PDGFD: variants seen among roughly 807,000 people sequenced by gnomAD.
PDGFD encodes platelet-derived growth factor D.
A neutral mutation model predicts 44.7 loss-of-function variants in PDGFD; 30 were observed. The ratio of observed to expected loss-of-function variants is 0.67; its 90% CI spans 0.50 to 0.91. The LOEUF (loss-of-function observed/expected upper bound fraction) is 0.91, where lower values mean the gene tolerates loss of function less well. Ranked by LOEUF, PDGFD falls within the 40% of genes least tolerant of loss-of-function variation. The pLI is 0.00. For missense variants in PDGFD, 445 were observed against 457.8 expected (o/e 0.97, Z 0.25); for synonymous variants, 173 against 168.4 (o/e 1.03, Z -0.21).
intron 5 of PDGFD, among the ~76,000 whole-genome samples, chr11:103,932,188 T>G (rs1452512539): frequency 2.6e-5 from 4 of 152,266 alleles, no homozygotes; most frequent in South Asian, 2.1e-4. Context: ...AACATGAGTT[T>G]TTTTTTTTTT....
At chr11:104,020,595 G>A (rs1451533142) in intron 1 of PDGFD, among the ~76,000 whole-genome samples, 1 of 152,090 alleles carries the variant, frequency 6.6e-6, no homozygotes, top group African/African-American at 2.4e-5. Context: ...AGAGGCAGTG[G>A]AAAACATACT....
intron 5 of PDGFD, among the ~76,000 whole-genome samples, chr11:103,940,728 T>C (rs1414997499): frequency 6.6e-6 from 1 of 152,148 alleles, no homozygotes; most frequent in Non-Finnish European, 1.5e-5. Context: ...AATCAGCACA[T>C]TTATACAAGA....
At chr11:104,043,362 C>T (rs748254339) in intron 1 of PDGFD, among the ~76,000 whole-genome samples, 1 of 152,118 alleles carries the variant, frequency 6.6e-6, no homozygotes, top group Non-Finnish European at 1.5e-5. Flanking sequence ...GATTTATCAC[C>T]GCCTAGAAGA....
At chr11:103,988,636 C>A (rs1859406172) in intron 3 of PDGFD, among the ~76,000 whole-genome samples, 1 of 152,152 alleles carries the variant, frequency 6.6e-6, no homozygotes, top group Non-Finnish European at 1.5e-5. Flanking sequence ...ACTTTACGCA[C>A]AACTTCGGAT....
intron 1 of PDGFD, among the ~76,000 whole-genome samples, chr11:104,017,045 G>C (rs1249025624): frequency 6.6e-6 from 1 of 152,180 alleles, no homozygotes; most frequent in Non-Finnish European, 1.5e-5. Flanking sequence ...GGAGTGATTA[G>C]ATCACAAGGC....
intron 1 of PDGFD, among the ~76,000 whole-genome samples, chr11:104,029,107 G>A (rs1228320389): frequency 1.3e-5 from 2 of 152,152 alleles, no homozygotes; most frequent in Non-Finnish European, 2.9e-5. Context: ...AAGTGTAATG[G>A]AACAGAGCAT....
intron 1 of PDGFD, among the ~76,000 whole-genome samples, chr11:104,061,948 A>AAACTACCTCGTT (rs111606983): frequency 6.6e-6 from 1 of 151,844 alleles, no homozygotes; most frequent in South Asian, 2.1e-4. Context: ...TACAACTCGA[A>AAACTACCTCGTT]GAAGTTCAAG....
chr11:103,966,349 A>T (rs1003584975), intron 3 of PDGFD, among the ~76,000 whole-genome samples: 1 of 152,188 alleles, frequency 6.6e-6, no homozygotes, highest in Non-Finnish European at 1.5e-5. Flanking sequence ...AATGACAGTC[A>T]ATTTCTACAG....
At chr11:104,003,171 A>G (rs1859646053) in intron 1 of PDGFD, among the ~76,000 whole-genome samples, 1 of 152,248 alleles carries the variant, frequency 6.6e-6, no homozygotes, top group Non-Finnish European at 1.5e-5. Flanking sequence ...CTGAGTGTAA[A>G]TGCTGTGGTT....
chr11:104,158,759 G>A (rs1340862370), intron 1 of PDGFD, among the ~76,000 whole-genome samples: 1 of 151,904 alleles, frequency 6.6e-6, no homozygotes, highest in African/African-American at 2.4e-5. Flanking sequence ...CGTGAACCGG[G>A]AGGTGGAGCT....
chr11:104,025,347 G>A (rs1461026140), intron 1 of PDGFD, among the ~76,000 whole-genome samples: 3 of 152,200 alleles, frequency 2.0e-5, no homozygotes, highest in Non-Finnish European at 4.4e-5. Flanking sequence ...AATCCACTGT[G>A]TCTAGCTTTC....
At chr11:103,994,262 A>T (rs1035593231) in intron 3 of PDGFD, among the ~76,000 whole-genome samples, 10 of 152,238 alleles carry the variant, frequency 6.6e-5, no homozygotes, top group Admixed American at 1.3e-4. Flanking sequence ...AAGGCAAAAA[A>T]TAATTCTTCT....
intron 1 of PDGFD, chr11:104,037,460 A>G (rs1290043269): frequency 3.1e-6 from 5 of 1,614,152 alleles, no homozygotes; most frequent in Non-Finnish European, 4.2e-6. Context: ...GCTCAGGCCA[A>G]AATAGAAGAG....
intron 1 of PDGFD, among the ~76,000 whole-genome samples, chr11:104,086,771 A>T (rs1042943554): frequency 6.6e-6 from 1 of 152,194 alleles, no homozygotes; most frequent in African/African-American, 2.4e-5. Flanking sequence ...TGAAGTGAAA[A>T]CCGAGGCAAA....
At chr11:104,011,716 T>C (rs1234789712) in intron 1 of PDGFD, among the ~76,000 whole-genome samples, 1 of 152,116 alleles carries the variant, frequency 6.6e-6, no homozygotes, top group African/African-American at 2.4e-5. Flanking sequence ...CTGTCACTTG[T>C]AAAACATTTA....
chr11:103,992,903 T>C (rs537401808), intron 3 of PDGFD, among the ~76,000 whole-genome samples: 31 of 152,236 alleles, frequency 2.0e-4, no homozygotes, highest in African/African-American at 7.2e-4. Context: ...CAGGTACACC[T>C]GGAGAGTCAC....
intron 4 of PDGFD, among the ~76,000 whole-genome samples, chr11:103,947,425 C>G (rs1858682144): frequency 6.7e-6 from 1 of 149,824 alleles, no homozygotes; most frequent in African/African-American, 2.5e-5. Context: ...TAAGTTATTA[C>G]CTAGTGTGAG....
intron 1 of PDGFD, among the ~76,000 whole-genome samples, chr11:104,084,495 A>G (rs1861091951): frequency 6.6e-6 from 1 of 152,024 alleles, no homozygotes; most frequent in Non-Finnish European, 1.5e-5. Flanking sequence ...TGTAATTAGC[A>G]GAGGGAAGAA....
chr11:103,915,792 T>G (rs1490679456), intron 6 of PDGFD, among the ~76,000 whole-genome samples: 2 of 151,998 alleles, frequency 1.3e-5, no homozygotes, highest in Non-Finnish European at 2.9e-5. Flanking sequence ...TACACTGCAA[T>G]CTACATCCAT....
Sources: allele counts gnomAD v4.1 joint callset (sites outside exome capture counted in the v4.1 genomes callset), GRCh38; gene constraint gnomAD v4.1.1; transcripts MANE v1.5; gene names NCBI Gene and HGNC (gene_info 2026-07-23, HGNC 2026-07-21).